The following KIAA1217 variants were observed in gnomAD, a reference collection of about 807,000 sequenced individuals.
The protein encoded by KIAA1217 is sickle tail protein homolog.
KIAA1217 carries 88 observed loss-of-function variants against 163.9 expected under a neutral mutation model. That is an observed-to-expected ratio of 0.54 (90% CI 0.45 to 0.64). The LOEUF (loss-of-function observed/expected upper bound fraction) is 0.64. KIAA1217 is among the 30% of genes least tolerant of loss of function. KIAA1217 has a pLI of 0.00. For missense variants in KIAA1217, 2,372 were observed against 2,475.0 expected (o/e 0.96, Z 0.88); for synonymous variants, 903 against 923.1 (o/e 0.98, Z 0.39).
chr10:24,519,663 C>T (rs2070773331), intron 10 of KIAA1217, among the ~76,000 whole-genome samples: 2 of 152,256 alleles, frequency 1.3e-5, no homozygotes, highest in South Asian at 2.1e-4. Flanking sequence ...AATTACACAG[C>T]CCAAAATGTC....
intron 2 of KIAA1217, among the ~76,000 whole-genome samples, chr10:24,319,743 T>G (rs1260254852): frequency 6.6e-6 from 1 of 152,202 alleles, no homozygotes; most frequent in African/African-American, 2.4e-5. Flanking sequence ...CAACTGGCCC[T>G]TGAAAGGAGC....
intron 1 of KIAA1217, among the ~76,000 whole-genome samples, chr10:23,923,355 C>G (rs923824993): frequency 6.6e-6 from 1 of 152,174 alleles, no homozygotes; most frequent in African/African-American, 2.4e-5. Context: ...GAACTCTGTG[C>G]TCCGAATGGT....
chr10:24,546,202 G>A lies in KIAA1217; in HGVS notation c.5710G>A (p.Val1904Ile), dbSNP rs201205458. Residue 1904 changes from valine (V) to isoleucine (I), a missense_variant, in exon 21 of 21, where the codon GTC (valine) becomes ATC (isoleucine). Physicochemically the swap from Val to Ile is conservative, Grantham distance 29. This residue lies in a region of KIAA1217 where 690 missense variants were observed against 677.5 expected (regional missense o/e 1.02). Coordinates refer to ENST00000376454, the MANE Select transcript of KIAA1217 (RefSeq NM_019590.5). ...SSSPPSPASS[V>I]SLNQGAKGTR... ...CTCCCCTCCTTCTCCTGCCTCCTCC[G>A]TCTCACTGAATCAAGGTGCCAAGGG... The A allele has an allele frequency of 3.0e-5, 49 of 1,613,846 alleles. 1 individual carries two copies. In the South Asian group the frequency reaches 4.6e-4, roughly 15 times the overall value.
At chr10:24,433,253 T>G in intron 4 of KIAA1217, 60 bp downstream of exon 4, 1 of 1,378,748 alleles carries the variant, frequency 7.3e-7, no homozygotes, top group Non-Finnish European at 9.9e-7. Flanking sequence ...TTGTTTTTTG[T>G]TTTTTTGTTT....
At chr10:24,287,036 A>G (rs2078610294) in intron 2 of KIAA1217, among the ~76,000 whole-genome samples, 1 of 151,892 alleles carries the variant, frequency 6.6e-6, no homozygotes, top group Non-Finnish European at 1.5e-5. Context: ...AGCTGTTCTC[A>G]CTTGTTTTTT....
chr10:23,826,747 G>C (rs1317924673), intron 1 of KIAA1217, among the ~76,000 whole-genome samples: 2 of 151,924 alleles, frequency 1.3e-5, no homozygotes, highest in African/African-American at 4.8e-5. Flanking sequence ...GCTCTTCTTC[G>C]ACTCCTCAAA....
intron 6 of KIAA1217, among the ~76,000 whole-genome samples, chr10:24,484,167 A>G (rs901100060): frequency 2.0e-4 from 29 of 144,958 alleles, no homozygotes; most frequent in African/African-American, 6.3e-4. Flanking sequence ...ATGTGTGTGT[A>G]TATATATATA....
chr10:24,310,364 C>T (rs2042549174), intron 2 of KIAA1217, among the ~76,000 whole-genome samples: 1 of 152,174 alleles, frequency 6.6e-6, no homozygotes, highest in Non-Finnish European at 1.5e-5. Flanking sequence ...GGTGGAGTAA[C>T]ATGCCTAAGG....
intron 1 of KIAA1217, among the ~76,000 whole-genome samples, chr10:23,847,747 G>C (rs751699409): frequency 6.6e-6 from 1 of 151,932 alleles, no homozygotes; most frequent in Non-Finnish European, 1.5e-5. Flanking sequence ...GTTCTTTCTT[G>C]TCTTCTGCTG....
At chr10:24,158,098 A>G in intron 2 of KIAA1217, 1 of 755,232 alleles carries the variant, frequency 1.3e-6, no homozygotes, top group South Asian at 1.3e-5. Context: ...GCGCTCCACA[A>G]GTTAGAAGTA....
At chr10:24,309,367 C>A (rs1402187769) in intron 2 of KIAA1217, among the ~76,000 whole-genome samples, 1 of 151,640 alleles carries the variant, frequency 6.6e-6, no homozygotes, top group Non-Finnish European at 1.5e-5. Flanking sequence ...CACACACACA[C>A]ACACACACAC....
intron 1 of KIAA1217, among the ~76,000 whole-genome samples, chr10:23,785,562 G>A (rs1349377713): frequency 6.6e-6 from 1 of 152,106 alleles, no homozygotes; most frequent in African/African-American, 2.4e-5. Context: ...ATGTATACAT[G>A]CACACATACA....
intron 1 of KIAA1217, among the ~76,000 whole-genome samples, chr10:23,731,718 A>G (rs1838488930): frequency 6.7e-6 from 1 of 149,088 alleles, no homozygotes; most frequent in African/African-American, 2.5e-5. Context: ...ACCATTAAGT[A>G]TAAGGTTAGC....
At chr10:24,172,854 T>C (rs2065695501) in intron 2 of KIAA1217, among the ~76,000 whole-genome samples, 1 of 152,252 alleles carries the variant, frequency 6.6e-6, no homozygotes, top group Non-Finnish European at 1.5e-5. Flanking sequence ...TCAGACCTGC[T>C]CTTGACTGTC....
intron 3 of KIAA1217, among the ~76,000 whole-genome samples, chr10:24,391,366 A>T (rs536308610): frequency 3.1e-3 from 245 of 78,092 alleles, no homozygotes; most frequent in African/African-American, 0.013. Flanking sequence ...TTTTTGTGAG[A>T]CGGAGTTTTG....
intron 3 of KIAA1217, among the ~76,000 whole-genome samples, chr10:24,424,049 C>T (rs978950042): frequency 6.6e-6 from 1 of 151,768 alleles, no homozygotes; most frequent in Non-Finnish European, 1.5e-5. Context: ...ACAGTGAAAT[C>T]CAAGAGTAAA....
At chr10:24,466,624 G>T (rs2062974011) in intron 5 of KIAA1217, 1 of 985,384 alleles carries the variant, frequency 1.0e-6, no homozygotes, top group Non-Finnish European at 1.2e-6. Context: ...TAGGATCTTT[G>T]TGTCTTTTGT....
At chr10:23,870,628 A>C (rs1840413773) in intron 1 of KIAA1217, among the ~76,000 whole-genome samples, 3 of 152,104 alleles carry the variant, frequency 2.0e-5, no homozygotes, top group African/African-American at 4.8e-5. Context: ...CGTACTTTAA[A>C]TCACCTAATT....
At position 24,107,643 on chromosome 10, in the gene KIAA1217, G is replaced by C. The variant is rs542755349; in HGVS notation, c.-171+100269G>C. Among the ~76,000 whole-genome samples, 31 of 152,146 alleles carry C rather than the reference G, an allele frequency of 2.0e-4. 1 individual carries two copies. The highest frequency in any genetic ancestry group is 1.2e-4 in the Non-Finnish European group (8 of 68,026). ...CATTTCTCTAATGATTAGTGATTTTGAGCGTTTTTTCATATGCTTGTTGGC... is the reference window on the plus strand; with the variant it reads ...CATTTCTCTAATGATTAGTGATTTTCAGCGTTTTTTCATATGCTTGTTGGC... On this transcript the variant is annotated intron_variant, in intron 2 of 18. Transcript: ENST00000376462.
Sources: gnomAD v4.1 joint callset for allele counts (sites outside exome capture counted in the v4.1 genomes callset) on GRCh38, gnomAD v4.1.1 for gene constraint, gnomAD v4.1.1 regional missense constraint, MANE v1.5 for transcripts, NCBI Gene and HGNC (gene_info 2026-07-23, HGNC 2026-07-21) for gene names.